The following PDE4D variants were observed in gnomAD, a reference collection of about 807,000 sequenced individuals.
PDE4D encodes the protein phosphodiesterase 4D, also known as 3',5'-cyclic-AMP phosphodiesterase 4D.
Under a neutral mutation model 87.4 loss-of-function variants are expected in PDE4D, and 24 were observed. The ratio of observed to expected loss-of-function variants is 0.27; its 90% confidence interval spans 0.20 to 0.39. The LOEUF is 0.39. Among genes scored for constraint, PDE4D ranks in the 10% least tolerant of loss-of-function variants. The pLI is 1.00. For missense variants in PDE4D, 714 were observed against 1,041.0 expected, an observed-to-expected ratio of 0.69 and a Z score of 4.32; for synonymous variants, 384 against 383.2, an observed-to-expected ratio of 1.00 and a Z score of -0.02.
At chr5:60,323,378 C>T (rs1488125749) in intron 1 of PDE4D, among the ~76,000 whole-genome samples, 2 of 152,196 alleles carry the variant, frequency 1.3e-5, no homozygotes, top group South Asian at 4.1e-4. Context: ...GTCAGATAAA[C>T]TTAGTATCAA....
intron 1 of PDE4D, among the ~76,000 whole-genome samples, chr5:59,235,735 T>A (rs1756270488): frequency 1.3e-5 from 2 of 152,192 alleles, no homozygotes; most frequent in South Asian, 4.1e-4. Flanking sequence ...AATGAATGGA[T>A]GTGCTTACAT....
chr5:60,277,551 C>T (rs187721626), intron 1 of PDE4D, among the ~76,000 whole-genome samples: 1 of 151,988 alleles, frequency 6.6e-6, no homozygotes, highest in Non-Finnish European at 1.5e-5. Context: ...ATGTAATGTA[C>T]TAGCATGAGG....
rs558279305 is a variant in PDE4D at position 60,431,405 on chromosome 5, C to T, written c.-90+56537G>A. Among the ~76,000 whole-genome samples, 178 of 151,210 alleles carry T rather than the reference C, an allele frequency of 1.2e-3. 1 individual carries two copies. The highest frequency in any genetic ancestry group is 4.2e-3 in the African/African-American group (172 of 41,126). On this transcript the variant is annotated intron_variant, in intron 1 of 16. Transcript: ENST00000502484. ...CTCACCTCCCAGACGGGTTCGCGGC[C>T]GGGTAGAGGCGCTCCTCACATCCCA... is the stretch of plus-strand genomic sequence containing the variant.
chr5:59,669,800 T>G (rs1376649955), intron 1 of PDE4D, among the ~76,000 whole-genome samples: 1 of 152,188 alleles, frequency 6.6e-6, no homozygotes, highest in African/African-American at 2.4e-5. Flanking sequence ...GTCCAGAATT[T>G]TATTCCTACT....
intron 2 of PDE4D, among the ~76,000 whole-genome samples, chr5:60,017,156 ATC>A (rs959028865): frequency 2.6e-5 from 4 of 152,292 alleles, no homozygotes; most frequent in African/African-American, 9.6e-5. Context: ...TTTGAAATAA[ATC>A]TCTTTTTCCT....
chr5:60,402,332 C>T (rs921599453), intron 1 of PDE4D, among the ~76,000 whole-genome samples: 4 of 152,232 alleles, frequency 2.6e-5, no homozygotes, highest in South Asian at 2.1e-4. Flanking sequence ...TCTTTCCTCT[C>T]TGAGTTGCAG....
chr5:60,055,950 A>T (rs1452890786), intron 2 of PDE4D, among the ~76,000 whole-genome samples: 2 of 152,080 alleles, frequency 1.3e-5, no homozygotes, highest in African/African-American at 4.8e-5. Flanking sequence ...CAAGGAAGGG[A>T]AGAAAGGAAA....
At chr5:59,763,711 G>C (rs1305102132) in intron 1 of PDE4D, among the ~76,000 whole-genome samples, 1 of 152,130 alleles carries the variant, frequency 6.6e-6, no homozygotes, top group Non-Finnish European at 1.5e-5. Context: ...TGATGATAGA[G>C]GGAATCCCCT....
intron 1 of PDE4D, among the ~76,000 whole-genome samples, chr5:59,344,706 T>C (rs1313915947): frequency 6.6e-6 from 1 of 152,174 alleles, no homozygotes; most frequent in African/African-American, 2.4e-5. Flanking sequence ...CCTCGTATGC[T>C]TTTTCAAATT....
chr5:59,105,214 A>G (rs900957592), intron 5 of PDE4D, among the ~76,000 whole-genome samples: 1 of 152,242 alleles, frequency 6.6e-6, no homozygotes, highest in Admixed American at 6.5e-5. Flanking sequence ...TGCTGGGTCT[A>G]TTATGAGAAA....
At chr5:60,297,056 G>T (rs184972574) in intron 1 of PDE4D, among the ~76,000 whole-genome samples, 10 of 152,096 alleles carry the variant, frequency 6.6e-5, no homozygotes, top group African/African-American at 2.4e-4. Flanking sequence ...AAGCCTGCAC[G>T]TTCTGCCCAT....
At position 59,965,068 on chromosome 5, in the gene PDE4D, C is replaced by T. The variant is rs145363861; in HGVS notation, c.272+23420G>A. Among the ~76,000 whole-genome samples the T allele has an allele frequency of 1.2e-4, 19 of 152,284 alleles. No homozygotes were observed. In the East Asian group the frequency reaches 3.5e-3, roughly 28 times the overall value. ...AATGACCTGCATCTGTGCCCATATA[C>T]TCTACGTTCTCTTATTTTACTATGG... On this transcript the variant is annotated intron_variant, in intron 3 of 16. Coordinates refer to the PDE4D transcript ENST00000502484.
At chr5:59,336,755 CT>C (rs1777721660) in intron 1 of PDE4D, among the ~76,000 whole-genome samples, 1 of 152,136 alleles carries the variant, frequency 6.6e-6, no homozygotes, top group Non-Finnish European at 1.5e-5. Context: ...AATCTCATTC[CT>C]TTCTTTTTTT....
intron 2 of PDE4D, among the ~76,000 whole-genome samples, chr5:60,051,727 C>CA (rs1310303661): frequency 4.6e-5 from 7 of 150,980 alleles, no homozygotes; most frequent in Non-Finnish European, 8.9e-5. Context: ...AAAAACCCTT[C>CA]AAAAAATCAA....
At chr5:59,899,491 T>C (rs1381091642) in intron 3 of PDE4D, among the ~76,000 whole-genome samples, 1 of 151,794 alleles carries the variant, frequency 6.6e-6, no homozygotes, top group Non-Finnish European at 1.5e-5. Context: ...TAAATATATA[T>C]ATATATGCTT....
chr5:59,418,107 T>C (rs958198300), intron 1 of PDE4D, among the ~76,000 whole-genome samples: 1 of 152,202 alleles, frequency 6.6e-6, no homozygotes, highest in Non-Finnish European at 1.5e-5. Context: ...ATTAGTCTCC[T>C]TACTCTAGTC....
intron 1 of PDE4D, among the ~76,000 whole-genome samples, chr5:59,750,334 C>A (rs182302557): frequency 1.3e-5 from 2 of 152,178 alleles, no homozygotes; most frequent in East Asian, 3.9e-4. Context: ...CAAGGAATGA[C>A]CCAAGTCTTT....
chr5:59,521,097 A>T (rs1265768267), intron 1 of PDE4D, among the ~76,000 whole-genome samples: 2 of 147,590 alleles, frequency 1.4e-5, no homozygotes, highest in Non-Finnish European at 3.0e-5. Context: ...ATTAAGGAAC[A>T]ATAGGAGATC....
At chr5:59,579,995 AAG>A (rs1823820391) in intron 1 of PDE4D, among the ~76,000 whole-genome samples, 1 of 152,226 alleles carries the variant, frequency 6.6e-6, no homozygotes, top group Non-Finnish European at 1.5e-5. Context: ...CATTAAAAGG[AAG>A]AGTTTCTCAA....
Sources: gnomAD v4.1 joint callset for allele counts (sites outside exome capture counted in the v4.1 genomes callset) on GRCh38, gnomAD v4.1.1 for gene constraint, MANE v1.5 for transcripts, NCBI Gene and HGNC (gene_info 2026-07-23, HGNC 2026-07-21) for gene names.